Variants in GPR35 observed in about 807,000 individuals in gnomAD.
The protein encoded by GPR35 is G protein-coupled receptor 35, also known as KYNA receptor.
For synonymous variants in GPR35, 207 were observed against 198.4 expected (o/e 1.04, Z -0.36); for missense variants, 372 against 422.5 (o/e 0.88, Z 1.05).
chr2:240,621,524 A>G (rs1319911795), upstream of GPR35, among the ~76,000 whole-genome samples: 1 of 152,188 alleles, frequency 6.6e-6, no homozygotes, highest in African/African-American at 2.4e-5. Context: ...AAGTGCTGGG[A>G]TTACAGATGT....
upstream of GPR35, chr2:240,625,207 C>A: frequency 1.1e-6 from 1 of 928,004 alleles, no homozygotes; most frequent in Non-Finnish European, 1.3e-6. Flanking sequence ...GGGGCTGGAG[C>A]GTCTCTGGTT....
intron 2 of GPR35, among the ~76,000 whole-genome samples, chr2:240,607,931 G>T (rs960214878): frequency 4.0e-5 from 6 of 151,168 alleles, no homozygotes; most frequent in African/African-American, 9.7e-5. Context: ...TCACTCTGTT[G>T]CCCAGGCTGG....
chr2:240,626,307 A>C (rs548850764), intron 1 of GPR35, among the ~76,000 whole-genome samples: 2 of 116,626 alleles, frequency 1.7e-5, no homozygotes, highest in African/African-American at 6.9e-5. Flanking sequence ...ATGGGGTCTC[A>C]GAGCGGGGTG....
At chr2:240,624,510 A>G (rs555047217), upstream of GPR35, among the ~76,000 whole-genome samples, 56 of 152,336 alleles carry the variant, frequency 3.7e-4, no homozygotes, top group South Asian at 6.0e-3. Flanking sequence ...CAGGAGGCCC[A>G]GGCACTGGTC....
Position 240,630,288 on chromosome 2 carries a change from G to A in GPR35, c.336G>A (p.Val112=). The stretch of plus-strand genomic sequence containing the variant: ...TCAGCCTGGTCACGGCCATCGCCGT[G>A]GACCGCTATGTGGCCGTGCGGCACC... ...MSISLVTAIA[V]DRYVAVRHPL... The change falls in exon 2 of 2, where the codon GTG becomes GTA. Residue 112 remains valine, a synonymous_variant. Coordinates refer to ENST00000407714, the MANE Select transcript of GPR35 (RefSeq NM_005301.5). The A allele has an allele frequency of 6.4e-7, 1 of 1,568,864 alleles. No individual in the cohort carries two copies. Among genetic ancestry groups the A allele is most frequent in the Non-Finnish European group, 8.6e-7 (1 of 1,162,272 alleles).
At chr2:240,622,877 G>T (rs11903394), upstream of GPR35, among the ~76,000 whole-genome samples, 14 of 152,162 alleles carry the variant, frequency 9.2e-5, no homozygotes, top group African/African-American at 3.4e-4. Flanking sequence ...CAGTGCCCCC[G>T]TGCCCACAGC....
At chr2:240,608,516 A>G (rs1200536712) in intron 2 of GPR35, among the ~76,000 whole-genome samples, 1 of 152,230 alleles carries the variant, frequency 6.6e-6, no homozygotes, top group Non-Finnish European at 1.5e-5. Context: ...GCATCCATTG[A>G]GATAAATATA....
chr2:240,612,517 G>A (rs2043192887), intron 2 of GPR35, among the ~76,000 whole-genome samples: 1 of 151,874 alleles, frequency 6.6e-6, no homozygotes, highest in African/African-American at 2.4e-5. Flanking sequence ...TGTCAGCTGT[G>A]CTCTGGGCTC....
intron 5 of GPR35, among the ~76,000 whole-genome samples, chr2:240,620,054 G>T (rs2043276236): frequency 6.6e-6 from 1 of 152,212 alleles, no homozygotes; most frequent in South Asian, 2.1e-4. Flanking sequence ...GAGTCCGAGA[G>T]GGTGGCCCTG....
chr2:240,619,027 T>C (rs1240883551), exon 5 of GPR35: 2 of 702,526 alleles, frequency 2.8e-6, no homozygotes, highest in East Asian at 2.7e-5. Context: ...TCCTTGCGTC[T>C]CTCTGTGAGT....
At chr2:240,611,274 C>G (rs984038171) in intron 2 of GPR35, among the ~76,000 whole-genome samples, 12 of 152,108 alleles carry the variant, frequency 7.9e-5, no homozygotes, top group Non-Finnish European at 1.5e-4. Context: ...GGCCAATAGT[C>G]TTTGTCTTTT....
intron 2 of GPR35, among the ~76,000 whole-genome samples, chr2:240,612,598 T>C (rs1369175735): frequency 1.3e-5 from 2 of 151,994 alleles, no homozygotes; most frequent in East Asian, 3.9e-4. Context: ...CATGGTGGGA[T>C]CCAGATTTCA....
rs541349895 is a variant in GPR35, at chr2:240,612,621, C to T, written c.-576-3767C>T. Reference sequence around the variant, plus strand: ...GATCCAGATTTCAGCAGGTGGACCCCGAGGGGGTGTGAGGAAATGGACTCT... The same window carrying T: ...GATCCAGATTTCAGCAGGTGGACCCTGAGGGGGTGTGAGGAAATGGACTCT... On this transcript the variant is annotated intron_variant, in intron 2 of 5. Transcript: ENST00000319838. 2.6e-5 allele frequency among the ~76,000 whole-genome samples: 4 copies of T among 152,148 alleles called. No individual in the cohort carries two copies. The South Asian group carries it at 6.2e-4, about 24-fold the overall frequency.
chr2:240,630,719 G>C lies in GPR35; in HGVS notation c.767G>C (p.Arg256Pro). Residue 256 changes from arginine to proline, a missense_variant, in exon 2 of 2, where the codon CGC becomes CCC. By Grantham distance (103) the Arg-to-Pro change is moderately radical. Coordinates refer to ENST00000407714, the MANE Select transcript of GPR35 (RefSeq NM_005301.5). Reference protein sequence around the residue: ...NACALLETIRRALYITSKLSD... With the variant: ...NACALLETIRPALYITSKLSD... Reference sequence around the variant, plus strand: ...TGTGCCCTCCTGGAGACGATCCGTCGCGCCCTGTACATAACCAGCAAGCTC... The same window carrying C: ...TGTGCCCTCCTGGAGACGATCCGTCCCGCCCTGTACATAACCAGCAAGCTC... 1 of 1,613,490 alleles carries C rather than the reference G, an allele frequency of 6.2e-7. No homozygotes were observed. The highest frequency in any genetic ancestry group is 8.5e-7 in the Non-Finnish European group (1 of 1,180,028).
chr2:240,627,260 G>A (rs979692886), intron 1 of GPR35, among the ~76,000 whole-genome samples: 6 of 152,220 alleles, frequency 3.9e-5, no homozygotes, highest in Non-Finnish European at 7.3e-5. Flanking sequence ...GCTCCCAGGG[G>A]CCCCATGCCA....
Position 240,630,985 on chromosome 2 carries a change from G to C in GPR35, c.*103G>C. On this transcript the variant is annotated 3_prime_UTR_variant, in exon 2 of 2. Transcript: ENST00000407714. The stretch of plus-strand genomic sequence containing the variant: ...TAGCAAGGAGCCCGAGATCAGCCCT[G>C]AACTCACTGTGTATTCTCTTGGAGC... 1 of 933,372 alleles carries C rather than the reference G, an allele frequency of 1.1e-6. No individual in the cohort carries two copies. Among genetic ancestry groups the C allele is most frequent in the Admixed American group, 2.2e-5 (1 of 45,046 alleles). The allele number at this position is 933,372 out of a possible 1,614,324, so 57.8% of individuals were successfully genotyped here. A position where few individuals can be genotyped will look rare whatever the true frequency, so the allele number is the denominator to read the frequency against.
At chr2:240,625,447 G>T (rs2043357813), upstream of GPR35, 1 of 985,442 alleles carries the variant, frequency 1.0e-6, no homozygotes, top group African/African-American at 1.7e-5. Flanking sequence ...CAGAGTCAGG[G>T]ACCAGCCCTG....
upstream of GPR35, among the ~76,000 whole-genome samples, chr2:240,623,663 G>A (rs1228211180): frequency 6.6e-6 from 1 of 152,138 alleles, no homozygotes; most frequent in Admixed American, 6.5e-5. Context: ...GGACTGCCCT[G>A]AAGTGCCTGC....
intron 5 of GPR35, among the ~76,000 whole-genome samples, chr2:240,619,890 G>A (rs2043274486): frequency 6.6e-6 from 1 of 152,174 alleles, no homozygotes; most frequent in South Asian, 2.1e-4. Flanking sequence ...TTGGACAGGA[G>A]GGCGAGTGAG....
Sources: allele counts gnomAD v4.1 joint callset (sites outside exome capture counted in the v4.1 genomes callset), GRCh38; gene constraint gnomAD v4.1.1; transcripts MANE v1.5; gene names NCBI Gene and HGNC (gene_info 2026-07-23, HGNC 2026-07-21).